Variants in CIB1 observed in about 807,000 individuals in gnomAD.
CIB1 encodes the protein calcium and integrin binding 1.
In CIB1, 19 loss-of-function variants were observed where a neutral mutation model predicts 25.0. That is an observed-to-expected ratio of 0.76 (90% confidence interval 0.53 to 1.12). The LOEUF (loss-of-function observed/expected upper bound fraction) is 1.12, where lower values mean the gene tolerates loss of function less well. Among genes scored for constraint, CIB1 ranks in the 50% most tolerant of loss-of-function variants. The pLI is 0.00. For missense variants in CIB1, 236 were observed against 242.6 expected (o/e 0.97, Z 0.18); for synonymous variants, 104 against 98.5 (o/e 1.06, Z -0.33).
chr15:90,263,646 G>A, the CIB1 span: 98 of 598,912 alleles, frequency 1.6e-4, 1 homozygote, highest in African/African-American at 1.6e-3. Context: ...TAGTGGCCGC[G>A]GCCTAGAAGA....
At chr15:90,263,403 T>A in the CIB1 span, 1 of 502,958 alleles carries the variant, frequency 2.0e-6, no homozygotes, top group East Asian at 3.2e-5. Context: ...TTGCTCTCTA[T>A]ATTCCTGTCC....
At chr15:90,265,426 G>C in the CIB1 span, 18 of 1,291,508 alleles carry the variant, frequency 1.4e-5, no homozygotes, top group Non-Finnish European at 1.7e-5. Context: ...GGGGCGGAGG[G>C]ACGGCTCTTG....
the CIB1 span, chr15:90,241,642 A>C: frequency 1.9e-6 from 3 of 1,614,170 alleles, no homozygotes; most frequent in South Asian, 1.1e-5. Flanking sequence ...GGCCATTTGC[A>C]TCTGCTCCAG....
intron 3 of CIB1, 100 bp downstream of exon 3, chr15:90,232,119 C>T (rs1212994238): frequency 7.7e-6 from 7 of 909,646 alleles, no homozygotes; most frequent in African/African-American, 6.7e-5. Context: ...AGAGTGGGGA[C>T]CAGTGACCCC....
upstream of CIB1, among the ~76,000 whole-genome samples, chr15:90,236,391 G>C (rs921914330): frequency 1.3e-5 from 2 of 152,182 alleles, no homozygotes; most frequent in African/African-American, 2.4e-5. Context: ...CTGGTGACCA[G>C]CTGTGATCTA....
At chr15:90,253,477 T>G in the CIB1 span, 4 of 636,928 alleles carry the variant, frequency 6.3e-6, no homozygotes, top group Non-Finnish European at 1.0e-5. Flanking sequence ...TGTCCCCTTG[T>G]GCAGACAAGA....
chr15:90,231,590 G>A (rs1034672392), intron 3 of CIB1, 83 bp from the exon 4 acceptor site: 1 of 1,513,216 alleles, frequency 6.6e-7, no homozygotes, highest in Non-Finnish European at 9.0e-7. Flanking sequence ...CAGGTCACAG[G>A]ACCAGCACCA....
the CIB1 span, chr15:90,255,843 C>CT: frequency 1.2e-6 from 2 of 1,614,206 alleles, no homozygotes; most frequent in Non-Finnish European, 1.7e-6. Flanking sequence ...CTCTATCCCT[C>CT]TGAGTACAAC....
At chr15:90,253,249 T>C in the CIB1 span, 1 of 1,613,312 alleles carries the variant, frequency 6.2e-7, no homozygotes. Context: ...GTCTCTGCAG[T>C]GCGTCGGGCA....
chr15:90,256,231 C>T, the CIB1 span: 2 of 1,614,186 alleles, frequency 1.2e-6, no homozygotes, highest in Non-Finnish European at 1.7e-6. Flanking sequence ...GTGGCATCTT[C>T]ATTACCCGAA....
At chr15:90,241,347 A>G in the CIB1 span, 2 of 1,614,102 alleles carry the variant, frequency 1.2e-6, no homozygotes, top group Non-Finnish European at 1.7e-6. Context: ...TCTCCCTGGG[A>G]CTCTGCTGCA....
the CIB1 span, among the ~76,000 whole-genome samples, chr15:90,240,159 G>C: frequency 4.1e-4 from 63 of 151,816 alleles, no homozygotes; most frequent in Non-Finnish European, 6.9e-4. Flanking sequence ...GGAGGTAGAG[G>C]TTGCAGTGAG....
chr15:90,246,328 T>C, the CIB1 span, among the ~76,000 whole-genome samples: 12,775 of 152,164 alleles, frequency 0.084, 768 homozygotes, highest in Admixed American at 0.17. Context: ...CAGGGCCTCA[T>C]GTACTAAGAG....
chr15:90,263,800 C>T, the CIB1 span: 8 of 707,204 alleles, frequency 1.1e-5, no homozygotes, highest in African/African-American at 1.0e-4. Context: ...TCTGGTCCTA[C>T]TGGTGCTCCT....
the CIB1 span, among the ~76,000 whole-genome samples, chr15:90,251,280 A>ATTT: frequency 4.8e-4 from 53 of 109,494 alleles, 2 homozygotes; most frequent in Admixed American, 1.7e-3. Context: ...CGCATGGCAA[A>ATTT]TTTTTTTTTT....
In CIB1 at chr15:90,232,467, C is replaced by T. The variant is rs1202925182; in HGVS notation, c.87-140G>A. ...ACAGAACTTCCGAGTCATCAGGCAA[C>T]GGTAAGCAAAAGGACATGTCACAAG... On this transcript the variant is annotated intron_variant, in intron 2 of 6. Transcript: ENST00000328649. 7.2e-6 allele frequency: 10 copies of T among 1,390,548 alleles called. No individual in the cohort carries two copies. The highest frequency in any genetic ancestry group is 4.4e-5 in the African/African-American group (3 of 68,642). The allele number at this position is 1,390,548 out of a possible 1,614,324, so 86.1% of individuals were successfully genotyped here. A position where few individuals can be genotyped will look rare whatever the true frequency, so the allele number is the denominator to read the frequency against.
At chr15:90,259,786 C>A in the CIB1 span, among the ~76,000 whole-genome samples, 165 of 152,290 alleles carry the variant, frequency 1.1e-3, no homozygotes, top group African/African-American at 3.3e-3. Context: ...AATAGAGAAT[C>A]GTTTACATCC....
At chr15:90,255,966 G>C in the CIB1 span, 1 of 1,602,356 alleles carries the variant, frequency 6.2e-7, no homozygotes, top group Non-Finnish European at 8.5e-7. Flanking sequence ...TGTGACCTAG[G>C]AATGTCTCAG....
At chr15:90,241,221 C>A in the CIB1 span, 2 of 1,614,128 alleles carry the variant, frequency 1.2e-6, no homozygotes, top group Non-Finnish European at 1.7e-6. Context: ...GCGTGGTGTG[C>A]AGAGGAGGCC....
Sources: gnomAD v4.1 joint callset for allele counts (sites outside exome capture counted in the v4.1 genomes callset) on GRCh38, gnomAD v4.1.1 for gene constraint, MANE v1.5 for transcripts, NCBI Gene and HGNC (gene_info 2026-07-23, HGNC 2026-07-21) for gene names.